The following CXCL12 variants were observed in gnomAD, a reference collection of about 807,000 sequenced individuals.
CXCL12 encodes the protein C-X-C motif chemokine ligand 12.
Under a neutral mutation model 10.7 loss-of-function variants are expected in CXCL12, and 4 were observed. That is an observed-to-expected ratio of 0.37 (90% CI 0.18 to 0.86). The LOEUF (loss-of-function observed/expected upper bound fraction) is 0.86. Ranked by LOEUF, CXCL12 falls within the 40% of genes least tolerant of loss-of-function variation. The pLI is 0.43. For synonymous variants in CXCL12, 54 were observed against 45.4 expected (o/e 1.19, Z -0.77); for missense variants, 122 against 110.4 (o/e 1.10, Z -0.47).
At chr10:44,373,076 A>T, downstream of CXCL12, 1 of 1,536,676 alleles carries the variant, frequency 6.5e-7, no homozygotes, top group Non-Finnish European at 8.7e-7. Context: ...CTAATAAGGC[A>T]AGTACAATAA....
At position 44,378,394 on chromosome 10, in the gene CXCL12, C is replaced by T. The variant is rs577016229; in HGVS notation, c.*239G>A. The T allele has an allele frequency of 6.8e-5, 105 of 1,545,926 alleles. 1 individual carries two copies. In the South Asian group the frequency reaches 9.7e-4, roughly 14 times the overall value. On this transcript the variant is annotated 3_prime_UTR_variant, in exon 3 of 3. Transcript: ENST00000343575. ...AAAACCCCAGTAATAAAAGTTCCAACGTGCACAGGTACAGGGCATGGATGA... is the reference window on the plus strand; with the variant it reads ...AAAACCCCAGTAATAAAAGTTCCAATGTGCACAGGTACAGGGCATGGATGA...
At chr10:44,374,542 G>A (rs1469802175), downstream of CXCL12, 1 of 456,096 alleles carries the variant, frequency 2.2e-6, no homozygotes, top group Non-Finnish European at 4.4e-6. Flanking sequence ...GGCCAGGAGA[G>A]TTGTCCAGGT....
intron 2 of CXCL12, among the ~76,000 whole-genome samples, chr10:44,379,548 G>A (rs993245144): frequency 6.6e-6 from 1 of 152,162 alleles, no homozygotes; most frequent in Non-Finnish European, 1.5e-5. Flanking sequence ...GGCACCCAGG[G>A]AGTCTTCAAG....
exon 4 of CXCL12, chr10:44,370,388 G>T (rs1839287032): frequency 1.3e-5 from 2 of 152,548 alleles, no homozygotes; most frequent in African/African-American, 4.8e-5. Context: ...ATTTAACACT[G>T]AATCATTCAC....
At position 44,377,139 on chromosome 10, in the gene CXCL12, GAAAC is replaced by G. The variant is rs761060794; in HGVS notation, c.*1490_*1493del. 28 of 986,052 alleles carry G rather than the reference GAAAC, an allele frequency of 2.8e-5. No homozygotes were observed. Among genetic ancestry groups the G allele is most frequent in the Non-Finnish European group, 3.3e-5 (27 of 830,530 alleles). The allele number at this position is 986,052 out of a possible 1,614,324, so 61.1% of individuals were successfully genotyped here. A position where few individuals can be genotyped will look rare whatever the true frequency, so the allele number is the denominator to read the frequency against. On this transcript the variant is annotated 3_prime_UTR_variant, in exon 3 of 3. Coordinates refer to ENST00000343575, the MANE Select transcript of CXCL12 (RefSeq NM_199168.4). Reference sequence around the variant, plus strand: ...ACATACAGTAGGACGTTTATACCATGAAACAATTAGCATTTTATTGCTAGTGCAT... The same window carrying G: ...ACATACAGTAGGACGTTTATACCATGAATTAGCATTTTATTGCTAGTGCAT...
chr10:44,376,145 C>A, downstream of CXCL12: 1 of 1,175,580 alleles, frequency 8.5e-7, no homozygotes, highest in Admixed American at 2.2e-5. Context: ...CCTTCAGTCT[C>A]AGGCCTGGAG....
At chr10:44,382,822 T>C (rs1839672457) in intron 1 of CXCL12, among the ~76,000 whole-genome samples, 1 of 152,230 alleles carries the variant, frequency 6.6e-6, no homozygotes, top group Non-Finnish European at 1.5e-5. Flanking sequence ...CAGGTGTGCT[T>C]ACCAAAAGAA....
intron 1 of CXCL12, among the ~76,000 whole-genome samples, chr10:44,383,895 CAACTCTTTGCAGGA>C (rs1249965311): frequency 6.6e-6 from 1 of 152,204 alleles, no homozygotes; most frequent in Non-Finnish European, 1.5e-5. Flanking sequence ...GAGTGTCCTT[CAACTCTTTGCAGGA>C]AACTTCACAG....
At chr10:44,383,104 G>C (rs1839681366) in intron 1 of CXCL12, among the ~76,000 whole-genome samples, 1 of 152,236 alleles carries the variant, frequency 6.6e-6, no homozygotes, top group Non-Finnish European at 1.5e-5. Flanking sequence ...CAAGGGCCCA[G>C]CTGCCTGACG....
downstream of CXCL12, chr10:44,374,698 G>A (rs926144552): frequency 1.1e-5 from 5 of 455,812 alleles, no homozygotes; most frequent in African/African-American, 6.0e-5. Context: ...TGTCTGACAT[G>A]CAGGGGTCTT....
downstream of CXCL12, chr10:44,373,113 C>A: frequency 1.3e-6 from 2 of 1,534,540 alleles, no homozygotes; most frequent in Non-Finnish European, 1.7e-6. Flanking sequence ...TGCTACGTGT[C>A]GCCAGTGACA....
At chr10:44,372,111 T>C (rs986295751), downstream of CXCL12, 14 of 152,244 alleles carry the variant, frequency 9.2e-5, no homozygotes, top group Admixed American at 5.9e-4. Flanking sequence ...TAGATGTGAA[T>C]TGGGAAAGAA....
downstream of CXCL12, among the ~76,000 whole-genome samples, chr10:44,373,677 C>T (rs745413557): frequency 5.9e-5 from 9 of 152,170 alleles, no homozygotes; most frequent in Non-Finnish European, 1.3e-4. Flanking sequence ...CCGGCACCGG[C>T]GTGGGGCTGA....
Position 44,377,117 on chromosome 10 carries a change from T to C in CXCL12, c.*1516A>G. 3.0e-6 allele frequency: 3 copies of C among 985,724 alleles called. No individual in the cohort carries two copies. Among genetic ancestry groups the C allele is most frequent in the Non-Finnish European group, 3.6e-6 (3 of 830,204 alleles). The allele number at this position is 985,724 out of a possible 1,614,324, so 61.1% of individuals were successfully genotyped here. ...TATTTCAGGTAAATAAATTCCCACA[T>C]ACAGTAGGACGTTTATACCATGAAA... On this transcript the variant is annotated 3_prime_UTR_variant, in exon 3 of 3. Coordinates refer to ENST00000343575, the MANE Select transcript of CXCL12 (RefSeq NM_199168.4).
At chr10:44,373,493 T>C (rs1400550945), downstream of CXCL12, 4 of 728,158 alleles carry the variant, frequency 5.5e-6, no homozygotes, top group Admixed American at 8.3e-5. Flanking sequence ...TCAGAGGCCC[T>C]GCGACAACAG....
Position 44,377,940 on chromosome 10 carries a change from T to G in CXCL12, c.*693A>C. On this transcript the variant is annotated 3_prime_UTR_variant, in exon 3 of 3. Transcript: ENST00000343575. ...TGAGAAGCAGAAGCAAGATTAAGCA[T>G]GCTCTCGGAGTCGGGGAGAGAGTAG... is the stretch of plus-strand genomic sequence containing the variant. 6.5e-7 allele frequency: 1 copy of G among 1,536,606 alleles called. No homozygotes were observed. The highest frequency in any genetic ancestry group is 1.2e-5 in the South Asian group (1 of 83,506).
intron 2 of CXCL12, among the ~76,000 whole-genome samples, chr10:44,379,537 G>A (rs1014097175): frequency 6.6e-6 from 1 of 152,100 alleles, no homozygotes; most frequent in African/African-American, 2.4e-5. Flanking sequence ...AGTGGTTCAG[G>A]GGCACCCAGG....
At chr10:44,383,016 T>C (rs539800318) in intron 1 of CXCL12, among the ~76,000 whole-genome samples, 1 of 152,224 alleles carries the variant, frequency 6.6e-6, no homozygotes, top group African/African-American at 2.4e-5. Context: ...TCCAGTCTAA[T>C]GCAGAGACAG....
downstream of CXCL12, chr10:44,372,280 C>A (rs150945148): frequency 2.3e-3 from 353 of 153,502 alleles, 1 homozygote; most frequent in African/African-American, 8.1e-3. Flanking sequence ...CTGGGGTCAA[C>A]CCTGGTGCAC....
Sources: gnomAD v4.1 joint callset for allele counts (sites outside exome capture counted in the v4.1 genomes callset) on GRCh38, gnomAD v4.1.1 for gene constraint, MANE v1.5 for transcripts, NCBI Gene and HGNC (gene_info 2026-07-23, HGNC 2026-07-21) for gene names.